MINK1: variants seen among roughly 807,000 people sequenced by gnomAD.
The protein encoded by MINK1 is misshapen like kinase 1.
In MINK1, 46 loss-of-function variants were observed where a neutral mutation model predicts 178.4. That is an observed-to-expected ratio of 0.26 (90% CI 0.20 to 0.33). The LOEUF (loss-of-function observed/expected upper bound fraction) is 0.33. Among genes scored for constraint, MINK1 ranks in the 10% least tolerant of loss-of-function variants. The pLI, the probability that MINK1 is intolerant of heterozygous loss-of-function variation, is 1.00. For missense variants in MINK1, 1,366 were observed against 1,814.9 expected, an observed-to-expected ratio of 0.75 and a Z score of 4.49; for synonymous variants, 797 against 709.7, an observed-to-expected ratio of 1.12 and a Z score of -1.96.
intron 1 of MINK1, among the ~76,000 whole-genome samples, chr17:4,842,005 A>C (rs1910299788): frequency 6.6e-6 from 1 of 152,054 alleles, no homozygotes; most frequent in South Asian, 2.1e-4. Flanking sequence ...GCGGATCACG[A>C]GGTCAGGAGA....
In MINK1 at chr17:4,894,677, G is replaced by A; in HGVS notation, c.2917+44G>A. 2 of 1,464,098 alleles carry A rather than the reference G, an allele frequency of 1.4e-6. No individual in the cohort carries two copies. Among genetic ancestry groups the A allele is most frequent in the Non-Finnish European group, 1.9e-6 (2 of 1,061,370 alleles). The allele number at this position is 1,464,098 out of a possible 1,614,324, so 90.7% of individuals were successfully genotyped here. A position where few individuals can be genotyped will look rare whatever the true frequency, so the allele number is the denominator to read the frequency against. ...ACCTGCTGTGAGGCCAGGGTCCAGGGGCAGCCTGGAGGGGAGCACAGTGGT... is the reference window on the plus strand; with the variant it reads ...ACCTGCTGTGAGGCCAGGGTCCAGGAGCAGCCTGGAGGGGAGCACAGTGGT... On this transcript the variant is annotated intron_variant, in intron 24 of 31. Coordinates refer to ENST00000355280, the MANE Select transcript of MINK1 (RefSeq NM_153827.5). This position sits in a 1 kb window ranked among gnomAD's most constrained non-coding sequence, Gnocchi z 4.1.
In MINK1 at chr17:4,887,202, G is replaced by T; in HGVS notation, c.1019+23G>T. 6.3e-7 allele frequency: 1 copy of T among 1,583,714 alleles called. No homozygotes were observed. Among genetic ancestry groups the T allele is most frequent in the African/African-American group, 1.3e-5 (1 of 74,462 alleles). On this transcript the variant is annotated intron_variant, in intron 11 of 31. Transcript: ENST00000355280. The surrounding 1 kb of genome is among the most constrained non-coding windows in gnomAD (Gnocchi z 7.6). ...AAGGTAGGCCTGGCAGGTGGAGTGGGGGTTGGGGCGGTCATCGCTGAGTGG... is the reference window on the plus strand; with the variant it reads ...AAGGTAGGCCTGGCAGGTGGAGTGGTGGTTGGGGCGGTCATCGCTGAGTGG...
chr17:4,896,434 G>C lies in MINK1; in HGVS notation c.3621G>C (p.Gln1207His). ...GTCCCCCTCCTTCTCCCCAGATCCA[G>C]AGCCAGATCACGCCCCATGCCATCA... ...SYDIYIPVHI[Q>H]SQITPHAIIF... The change falls in exon 30 of 32, where the codon CAG becomes CAC. Residue 1207 changes from glutamine (Q) to histidine (H), a missense_variant. This residue lies in a region of MINK1 where 201 missense variants were observed against 240.7 expected (regional missense o/e 0.84). Transcript: ENST00000355280. The surrounding 1 kb of genome is among the most constrained non-coding windows in gnomAD (Gnocchi z 4.6). The C allele has an allele frequency of 1.2e-6, 2 of 1,613,848 alleles. No homozygotes were observed. Among genetic ancestry groups the C allele is most frequent in the Non-Finnish European group, 1.7e-6 (2 of 1,179,816 alleles).
chr17:4,886,745 T>C lies in MINK1; in HGVS notation c.949+119T>C. On this transcript the variant is annotated intron_variant, in intron 10 of 31. Coordinates refer to ENST00000355280, the MANE Select transcript of MINK1 (RefSeq NM_153827.5). This position sits in a 1 kb window ranked among gnomAD's most constrained non-coding sequence, Gnocchi z 6.1. ...TCCCCTCCTTGGCCCCAGCTCTCCCTGTCCAAGGAGATCGTTCTCAAACTT... is the reference window on the plus strand; with the variant it reads ...TCCCCTCCTTGGCCCCAGCTCTCCCCGTCCAAGGAGATCGTTCTCAAACTT... 1 of 1,159,688 alleles carries C rather than the reference T, an allele frequency of 8.6e-7. No homozygotes were observed. Among genetic ancestry groups the C allele is most frequent in the African/African-American group, 1.6e-5 (1 of 64,276 alleles). The allele number at this position is 1,159,688 out of a possible 1,614,324, so 71.8% of individuals were successfully genotyped here.
Position 4,892,488 on chromosome 17 carries a change from C to G in MINK1, c.2174C>G (p.Pro725Arg). ...TPKPPGPPAQ[P>R]PGPPNASSNP... ...AAGCCTCCAGGGCCCCCTGCTCAGC[C>G]CCCTGGCCCGCCCAACGCCTCTAGG... The change falls in exon 18 of 32, where the codon CCC becomes CGC. Residue 725 changes from proline to arginine, a missense_variant. Around this residue, in one of 14 missense-constraint regions of MINK1, gnomAD observed 709 missense variants for 692.3 expected, o/e 1.02. Coordinates refer to ENST00000355280, the MANE Select transcript of MINK1 (RefSeq NM_153827.5). 1 of 1,562,298 alleles carries G rather than the reference C, an allele frequency of 6.4e-7. No individual in the cohort carries two copies. The highest frequency in any genetic ancestry group is 8.7e-7 in the Non-Finnish European group (1 of 1,153,738).
In MINK1 at chr17:4,897,770, A is replaced by C; in HGVS notation, c.*483A>C. ...CTCCAGGGGCAGGGACCATTTCTTC[A>C]TTTTCTGAAAGCACTTTAATGATTC... On this transcript the variant is annotated 3_prime_UTR_variant, in exon 32 of 32. Coordinates refer to ENST00000355280, the MANE Select transcript of MINK1 (RefSeq NM_153827.5). 1 of 152,512 alleles carries C rather than the reference A, an allele frequency of 6.6e-6. No homozygotes were observed. The highest frequency in any genetic ancestry group is 1.5e-5 in the Non-Finnish European group (1 of 68,326). The allele number at this position is 152,512 out of a possible 1,614,324, so 9.4% of individuals were successfully genotyped here.
In MINK1 at chr17:4,884,230, G is replaced by T. The variant is rs111685195; in HGVS notation, c.307-133G>T. On this transcript the variant is annotated intron_variant, in intron 4 of 31. Coordinates refer to ENST00000355280, the MANE Select transcript of MINK1 (RefSeq NM_153827.5). The stretch of plus-strand genomic sequence containing the variant: ...CCTTTGTGAGGCTTCTGTGGCCCTT[G>T]CTCTCTAGCTCATACCAGTTCTAAC... 2,346 of 655,038 alleles carry T rather than the reference G, an allele frequency of 3.6e-3. 11 individuals are homozygous for T. Among genetic ancestry groups the T allele is most frequent in the Middle Eastern group, 5.7e-3 (14 of 2,468 alleles). 40.6% of individuals were successfully genotyped at this position (655,038 alleles called of 1,614,324 possible).
At chr17:4,847,278 G>A (rs9890271) in intron 1 of MINK1, 208,906 of 454,892 alleles carry the variant, frequency 0.46, 53,000 homozygotes, top group Non-Finnish European at 0.57. Context: ...ATGGAGTCTC[G>A]CTCAGGCTGG....
intron 1 of MINK1, chr17:4,834,755 G>A (rs567112424): frequency 5.8e-6 from 3 of 520,018 alleles, no homozygotes; most frequent in Non-Finnish European, 1.2e-5. Flanking sequence ...AAGGTGTGGG[G>A]AGAGCAGGAC....
In MINK1 at chr17:4,856,429, C is replaced by T. The variant is rs151285732; in HGVS notation, c.58-21888C>T. Among the ~76,000 whole-genome samples the T allele has an allele frequency of 2.8e-3, 422 of 152,130 alleles. 1 individual carries two copies. Among genetic ancestry groups the T allele is most frequent in the African/African-American group, 9.9e-3 (411 of 41,488 alleles). ...TCCCGTTTTCTCTCTCTTACGTACT[C>T]ACACTCTCTTTTTTTTTTCTTTCCC... On this transcript the variant is annotated intron_variant, in intron 1 of 31. Coordinates refer to ENST00000355280, the MANE Select transcript of MINK1 (RefSeq NM_153827.5).
intron 1 of MINK1, among the ~76,000 whole-genome samples, chr17:4,841,335 C>G (rs1033690831): frequency 2.0e-5 from 3 of 152,090 alleles, no homozygotes; most frequent in Admixed American, 6.6e-5. Context: ...CGTCTTGTTC[C>G]AGGAACCACC....
chr17:4,865,391 G>A (rs1212725551), intron 1 of MINK1, among the ~76,000 whole-genome samples: 1 of 151,770 alleles, frequency 6.6e-6, no homozygotes, highest in African/African-American at 2.4e-5. Flanking sequence ...CCGAGATCGC[G>A]CCATTGCACT....
In MINK1 at chr17:4,896,958, C is replaced by T. The variant is rs1468178155; in HGVS notation, c.3915+145C>T. 4 of 1,141,194 alleles carry T rather than the reference C, an allele frequency of 3.5e-6. No homozygotes were observed. Among genetic ancestry groups the T allele is most frequent in the Non-Finnish European group, 4.9e-6 (4 of 821,722 alleles). The allele number at this position is 1,141,194 out of a possible 1,614,324, so 70.7% of individuals were successfully genotyped here. A position where few individuals can be genotyped will look rare whatever the true frequency, so the allele number is the denominator to read the frequency against. ...AGCTCAGAGGGCAGTCAGCCACTAC[C>T]ACTGCCCTGCGCTCCCTTCAGATTC... On this transcript the variant is annotated intron_variant, in intron 31 of 31. Coordinates refer to ENST00000355280, the MANE Select transcript of MINK1 (RefSeq NM_153827.5). This position sits in a 1 kb window ranked among gnomAD's most constrained non-coding sequence, Gnocchi z 4.6.
At chr17:4,854,798 A>T in intron 1 of MINK1, 1 of 486,902 alleles carries the variant, frequency 2.1e-6, no homozygotes, top group South Asian at 1.5e-5. Context: ...TTGTGGATTC[A>T]GAATAAAAAG....
At chr17:4,890,444 AAG>A in intron 13 of MINK1, 71 bp from the exon 14 acceptor site, 2 of 1,515,738 alleles carry the variant, frequency 1.3e-6, no homozygotes, top group Non-Finnish European at 1.8e-6. Flanking sequence ...AGTTGGAGAA[AAG>A]AGAGGGCATG....
chr17:4,892,012 C>G (rs2586532), intron 16 of MINK1, 137 bp from the exon 17 acceptor site: 2 of 785,752 alleles, frequency 2.5e-6, no homozygotes, highest in East Asian at 5.3e-5. Flanking sequence ...TAACCCTGGA[C>G]GTATTCACTA....
At chr17:4,869,463 C>T (rs1323045019) in intron 1 of MINK1, among the ~76,000 whole-genome samples, 3 of 151,060 alleles carry the variant, frequency 2.0e-5, no homozygotes, top group African/African-American at 7.3e-5. Context: ...TTTATAGAGA[C>T]ACGGGGTCTC....
In MINK1 at chr17:4,875,090, C is replaced by A. The variant is rs748551192; in HGVS notation, c.58-3227C>A. On this transcript the variant is annotated intron_variant, in intron 1 of 31. Transcript: ENST00000355280. Reference sequence around the variant, plus strand: ...TACAGTTTGATTCAAGAAAGGACTTCGCAGCAGTCAGTTCAGACGCCCCGG... The same window carrying A: ...TACAGTTTGATTCAAGAAAGGACTTAGCAGCAGTCAGTTCAGACGCCCCGG... 3 of 520,062 alleles carry A rather than the reference C, an allele frequency of 5.8e-6. No individual in the cohort carries two copies. In the Admixed American group the frequency reaches 5.8e-5, roughly 10 times the overall value. 32.2% of individuals were successfully genotyped at this position (520,062 alleles called of 1,614,324 possible). A position where few individuals can be genotyped will look rare whatever the true frequency, so the allele number is the denominator to read the frequency against.
chr17:4,847,989 C>G (rs1182157029), intron 1 of MINK1, among the ~76,000 whole-genome samples: 1 of 151,972 alleles, frequency 6.6e-6, no homozygotes, highest in Non-Finnish European at 1.5e-5. Flanking sequence ...TGAGACCAGC[C>G]TGGGCAACAT....
Sources: allele counts gnomAD v4.1 joint callset (sites outside exome capture counted in the v4.1 genomes callset), GRCh38; gene constraint gnomAD v4.1.1; regional missense constraint gnomAD v4.1.1; non-coding constraint Gnocchi (gnomAD v3.1); transcripts MANE v1.5; gene names NCBI Gene and HGNC (gene_info 2026-07-23, HGNC 2026-07-21).